PROX1: variants seen among roughly 807,000 people sequenced by gnomAD.
PROX1 encodes the protein prospero homeobox 1.
A neutral mutation model predicts 58.8 loss-of-function variants in PROX1; 7 were observed. The ratio of observed to expected loss-of-function variants is 0.12; its 90% CI spans 0.07 to 0.22. PROX1 has a LOEUF of 0.22. Ranked by LOEUF, PROX1 falls within the 10% of genes least tolerant of loss-of-function variation. PROX1 has a pLI of 1.00. For synonymous variants in PROX1, 350 were observed against 358.3 expected, an observed-to-expected ratio of 0.98 and a Z score of 0.26; for missense variants, 675 against 927.8, an observed-to-expected ratio of 0.73 and a Z score of 3.54.
intron 1 of PROX1, among the ~76,000 whole-genome samples, chr1:213,996,228 A>G (rs1233810946): frequency 6.6e-6 from 1 of 152,144 alleles, no homozygotes; most frequent in African/African-American, 2.4e-5. Flanking sequence ...AGAGAATCAT[A>G]TTACTGGTGC....
rs553114246 is a variant in PROX1, at chr1:214,031,656, T to C, written c.2029-3993T>C. On this transcript the variant is annotated intron_variant, in intron 4 of 4. Transcript: ENST00000366958. ...GTCACTAAGGGATTTTCTGCAGATG[T>C]TTATTGGTGATGGGAAAGCCATTAG... Among the ~76,000 whole-genome samples the C allele has an allele frequency of 2.5e-4, 38 of 152,300 alleles. 1 individual carries two copies. In the South Asian group the frequency reaches 7.9e-3, roughly 32 times the overall value.
Position 214,037,947 on chromosome 1 carries a change from G to C in PROX1, c.*2113G>C, listed in dbSNP as rs1181998547. The C allele has an allele frequency of 6.6e-6, 1 of 152,282 alleles. No individual in the cohort carries two copies. Among genetic ancestry groups the C allele is most frequent in the African/African-American group, 2.4e-5 (1 of 41,554 alleles). 9.4% of individuals were successfully genotyped at this position (152,282 alleles called of 1,614,324 possible). ...TGTGCCACTGGGTTTTTGCTGTTCC[G>C]TGTAATTCATATCAACTTTGTGTTG... On this transcript the variant is annotated 3_prime_UTR_variant, in exon 5 of 5. Coordinates refer to ENST00000366958, the MANE Select transcript of PROX1 (RefSeq NM_001270616.2).
At position 213,997,934 on chromosome 1, in the gene PROX1, T is replaced by C; in HGVS notation, c.1399T>C (p.Ser467Pro). 1 of 1,613,770 alleles carries C rather than the reference T, an allele frequency of 6.2e-7. No homozygotes were observed. Among genetic ancestry groups the C allele is most frequent in the Non-Finnish European group, 8.5e-7 (1 of 1,179,812 alleles). Residue 467 changes from serine to proline, a missense_variant, in exon 2 of 5, where the codon TCG becomes CCG. By Grantham distance (74) the Ser-to-Pro change is moderately conservative. Transcript: ENST00000366958. This position sits in a 1 kb window ranked among gnomAD's most constrained non-coding sequence, Gnocchi z 7.1. ...CGGCCACCACCAGCCCCTGCACCAGTCGCCTCTCTCTGCCACCACGGGCTT... is the reference window on the plus strand; with the variant it reads ...CGGCCACCACCAGCCCCTGCACCAGCCGCCTCTCTCTGCCACCACGGGCTT... Reference protein sequence around the residue: ...AGGHHQPLHQSPLSATTGFTT... With the variant: ...AGGHHQPLHQPPLSATTGFTT...
chr1:214,005,484 A>G (rs190880701), intron 3 of PROX1, among the ~76,000 whole-genome samples: 1 of 152,326 alleles, frequency 6.6e-6, no homozygotes, highest in African/African-American at 2.4e-5. Flanking sequence ...AATAAGTTGC[A>G]TGGGTTTCCA....
At chr1:214,026,290 G>A (rs534004563) in intron 4 of PROX1, among the ~76,000 whole-genome samples, 1 of 152,266 alleles carries the variant, frequency 6.6e-6, no homozygotes, top group Admixed American at 6.5e-5. Context: ...CTCCATGTGT[G>A]AGCAAATAAA....
At chr1:213,987,705 G>A (rs1050177785), upstream of PROX1, 1 of 144,444 alleles carries the variant, frequency 6.9e-6, no homozygotes, top group African/African-American at 2.5e-5. Context: ...CTGTGGCAGG[G>A]TGGGGGTGGG....
chr1:214,027,626 C>G (rs1664504289), intron 4 of PROX1, among the ~76,000 whole-genome samples: 1 of 152,154 alleles, frequency 6.6e-6, no homozygotes, highest in Admixed American at 6.5e-5. Context: ...TAGGAACAAG[C>G]AGACTGTTTG....
rs1179110130 is a variant in PROX1, at chr1:214,037,189, C to T, written c.*1355C>T. The T allele has an allele frequency of 4.6e-5, 7 of 152,192 alleles. No homozygotes were observed. Among genetic ancestry groups the T allele is most frequent in the Non-Finnish European group, 1.0e-4 (7 of 68,010 alleles). The allele number at this position is 152,192 out of a possible 1,614,324, so 9.4% of individuals were successfully genotyped here. Reference sequence around the variant, plus strand: ...CTGTTTTTCAATGATGTACAGTGTTCCCTACTTGCATTGAAAAAACTCGTA... The same window carrying T: ...CTGTTTTTCAATGATGTACAGTGTTTCCTACTTGCATTGAAAAAACTCGTA... On this transcript the variant is annotated 3_prime_UTR_variant, in exon 5 of 5. Transcript: ENST00000366958.
Position 214,039,793 on chromosome 1 carries a change from G to A in PROX1, c.*3959G>A, listed in dbSNP as rs1392182856. ...ACACCCCCCCTTCCCATGCGCACAT[G>A]TGCGCATACACACACACACACACAC... On this transcript the variant is annotated 3_prime_UTR_variant, in exon 5 of 5. Transcript: ENST00000366958. 1.4e-5 allele frequency: 2 copies of A among 147,816 alleles called. No homozygotes were observed. Among genetic ancestry groups the A allele is most frequent in the Admixed American group, 6.8e-5 (1 of 14,634 alleles). The allele number at this position is 147,816 out of a possible 1,614,324, so 9.2% of individuals were successfully genotyped here.
chr1:214,010,688 T>A (rs1663877957), intron 3 of PROX1, among the ~76,000 whole-genome samples: 1 of 152,178 alleles, frequency 6.6e-6, no homozygotes, highest in African/African-American at 2.4e-5. Context: ...ACATCTTCAT[T>A]TCAAAGGTCA....
Position 214,041,284 on chromosome 1 carries a change from AC to A in PROX1, c.*5451del, listed in dbSNP as rs1456879007. 6.6e-6 allele frequency: 1 copy of A among 152,104 alleles called. No individual in the cohort carries two copies. The highest frequency in any genetic ancestry group is 1.5e-5 in the Non-Finnish European group (1 of 67,992). The allele number at this position is 152,104 out of a possible 1,614,324, so 9.4% of individuals were successfully genotyped here. A position where few individuals can be genotyped will look rare whatever the true frequency, so the allele number is the denominator to read the frequency against. ...GTTTGATTTTCTTAAAGAAAGAGTG[AC>A]TTTTAATTTTTGGACCTGTATCCAA... On this transcript the variant is annotated 3_prime_UTR_variant, in exon 5 of 5. Coordinates refer to ENST00000366958, the MANE Select transcript of PROX1 (RefSeq NM_001270616.2).
intron 1 of PROX1, among the ~76,000 whole-genome samples, chr1:213,988,914 G>A (rs1662913132): frequency 6.6e-6 from 1 of 151,850 alleles, no homozygotes. Context: ...CAGGAGAGAG[G>A]ACCGCGAGAG....
Position 214,039,322 on chromosome 1 carries a change from G to A in PROX1, c.*3488G>A, listed in dbSNP as rs113250721. ...GAATGTAGTAATTATTTAAGTAAAC[G>A]TTCACCCACATATTCCTGAAGTTTG... On this transcript the variant is annotated 3_prime_UTR_variant, in exon 5 of 5. Coordinates refer to ENST00000366958, the MANE Select transcript of PROX1 (RefSeq NM_001270616.2). 6 of 152,190 alleles carry A rather than the reference G, an allele frequency of 3.9e-5. No individual in the cohort carries two copies. Among genetic ancestry groups the A allele is most frequent in the African/African-American group, 1.2e-4 (5 of 41,518 alleles). The allele number at this position is 152,190 out of a possible 1,614,324, so 9.4% of individuals were successfully genotyped here.
rs115194101 is a variant in PROX1 at position 214,009,068 on chromosome 1, G to A, written c.1834-2453G>A. Among the ~76,000 whole-genome samples, 961 of 152,226 alleles carry A rather than the reference G, an allele frequency of 6.3e-3. 13 individuals carry two copies. Among genetic ancestry groups the A allele is most frequent in the African/African-American group, 0.022 (894 of 41,546 alleles). ...GTCATTTTAGCTTTGAAGAACAGAC[G>A]CTCACAGCTTTTCAAGCCGGCAGTG... On this transcript the variant is annotated intron_variant, in intron 3 of 4. Coordinates refer to ENST00000366958, the MANE Select transcript of PROX1 (RefSeq NM_001270616.2).
At chr1:214,010,886 G>A (rs1284969353) in intron 3 of PROX1, among the ~76,000 whole-genome samples, 2 of 152,192 alleles carry the variant, frequency 1.3e-5, no homozygotes, top group Admixed American at 1.3e-4. Context: ...GGAAGCAGGT[G>A]AACAGGCACC....
rs560625780 is a variant in PROX1, at chr1:214,037,434, A to C, written c.*1600A>C. The C allele has an allele frequency of 6.6e-6, 1 of 152,336 alleles. No individual in the cohort carries two copies. Among genetic ancestry groups the C allele is most frequent in the Non-Finnish European group, 1.5e-5 (1 of 68,030 alleles). 9.4% of individuals were successfully genotyped at this position (152,336 alleles called of 1,614,324 possible). A position where few individuals can be genotyped will look rare whatever the true frequency, so the allele number is the denominator to read the frequency against. The stretch of plus-strand genomic sequence containing the variant: ...ATAAGAATTACATTTGACTTTGGAG[A>C]ATACAGGTCTTGACCCATGTGACTG... On this transcript the variant is annotated 3_prime_UTR_variant, in exon 5 of 5. Transcript: ENST00000366958.
At chr1:214,002,743 C>G (rs1663568743) in intron 2 of PROX1, among the ~76,000 whole-genome samples, 1 of 152,180 alleles carries the variant, frequency 6.6e-6, no homozygotes, top group South Asian at 2.1e-4. Flanking sequence ...ACAGCTAGTG[C>G]TTTCTTGGAA....
chr1:214,015,004 G>C (rs1664043955), intron 4 of PROX1, among the ~76,000 whole-genome samples: 1 of 152,136 alleles, frequency 6.6e-6, no homozygotes, highest in South Asian at 2.1e-4. Context: ...TCCTCTCCTA[G>C]ACCCTGCATT....
At chr1:214,026,706 A>C (rs912984520) in intron 4 of PROX1, among the ~76,000 whole-genome samples, 3 of 152,196 alleles carry the variant, frequency 2.0e-5, no homozygotes, top group Non-Finnish European at 4.4e-5. Flanking sequence ...AAAGACTCAA[A>C]TTCAGGTAGA....
Sources: allele counts gnomAD v4.1 joint callset (sites outside exome capture counted in the v4.1 genomes callset), GRCh38; gene constraint gnomAD v4.1.1; non-coding constraint Gnocchi (gnomAD v3.1); transcripts MANE v1.5; gene names NCBI Gene and HGNC (gene_info 2026-07-23, HGNC 2026-07-21).